SLC44A5: variants seen among roughly 807,000 people sequenced by gnomAD.
The protein encoded by SLC44A5 is solute carrier family 44 member 5.
SLC44A5 carries 57 observed loss-of-function variants against 101.8 expected under a neutral mutation model. The ratio of observed to expected loss-of-function variants is 0.56; its 90% CI spans 0.45 to 0.70. The LOEUF (loss-of-function observed/expected upper bound fraction) is 0.70. Among genes scored for constraint, SLC44A5 ranks in the 30% least tolerant of loss-of-function variants. The pLI is 0.00. For missense variants in SLC44A5, 737 were observed against 853.1 expected (o/e 0.86, Z 1.70); for synonymous variants, 281 against 290.9 (o/e 0.97, Z 0.35).
the SLC44A5 span, among the ~76,000 whole-genome samples, chr1:75,651,777 T>C: frequency 6.6e-6 from 1 of 151,606 alleles, no homozygotes; most frequent in Non-Finnish European, 1.5e-5. Context: ...TATTTGATTA[T>C]CTGCTTCCCT....
chr1:75,234,426 T>C (rs188282919), intron 11 of SLC44A5, among the ~76,000 whole-genome samples: 1 of 152,182 alleles, frequency 6.6e-6, no homozygotes, highest in East Asian at 1.9e-4. Flanking sequence ...CATGTCTTAT[T>C]TTTTCCCTTC....
the SLC44A5 span, among the ~76,000 whole-genome samples, chr1:75,668,393 G>A: frequency 1.6e-5 from 2 of 124,502 alleles, no homozygotes; most frequent in Non-Finnish European, 3.2e-5. Context: ...GCATAATCAC[G>A]GCTCACATGC....
chr1:75,624,023 G>A, the SLC44A5 span, among the ~76,000 whole-genome samples: 1 of 152,250 alleles, frequency 6.6e-6, no homozygotes, highest in Non-Finnish European at 1.5e-5. Context: ...GTCTGCAGCA[G>A]GGAAAGTACC....
chr1:75,697,985 A>G, the SLC44A5 span, among the ~76,000 whole-genome samples: 4 of 152,202 alleles, frequency 2.6e-5, no homozygotes, highest in Admixed American at 2.6e-4. Context: ...TATCCTGCAC[A>G]TGGCTTGGAG....
chr1:75,386,709 C>T (rs1353587706), intron 3 of SLC44A5, among the ~76,000 whole-genome samples: 3 of 151,874 alleles, frequency 2.0e-5, no homozygotes, highest in African/African-American at 7.3e-5. Flanking sequence ...GAAAAAACTA[C>T]TTTAAAGTTC....
intron 1 of SLC44A5, among the ~76,000 whole-genome samples, chr1:75,598,087 T>A (rs6694601): frequency 6.6e-6 from 1 of 150,912 alleles, no homozygotes; most frequent in Non-Finnish European, 1.5e-5. Context: ...CTTAAACAAA[T>A]GTACAAGAAA....
chr1:75,577,368 C>T (rs1344160525), intron 1 of SLC44A5, among the ~76,000 whole-genome samples: 2 of 152,254 alleles, frequency 1.3e-5, no homozygotes, highest in Non-Finnish European at 2.9e-5. Context: ...TTTCTGACCT[C>T]ATCTCTGGTT....
At chr1:75,633,236 G>C in the SLC44A5 span, among the ~76,000 whole-genome samples, 1 of 152,140 alleles carries the variant, frequency 6.6e-6, no homozygotes, top group Non-Finnish European at 1.5e-5. Context: ...CTTTAAAGTA[G>C]TTTTTTCCAA....
chr1:75,320,043 A>G (rs1037289979), intron 4 of SLC44A5, among the ~76,000 whole-genome samples: 3 of 152,134 alleles, frequency 2.0e-5, no homozygotes, highest in Non-Finnish European at 4.4e-5. Flanking sequence ...TTCCTAGCCT[A>G]AAGAAGAGAT....
chr1:75,300,014 C>CAA (rs35608663), intron 5 of SLC44A5, among the ~76,000 whole-genome samples: 61 of 93,714 alleles, frequency 6.5e-4, no homozygotes, highest in African/African-American at 2.2e-3. Flanking sequence ...GACTCTGTCT[C>CAA]AAAAAAAAAA....
intron 2 of SLC44A5, among the ~76,000 whole-genome samples, chr1:75,413,642 C>A (rs1663426367): frequency 1.3e-5 from 2 of 152,122 alleles, no homozygotes; most frequent in Non-Finnish European, 2.9e-5. Context: ...TCAGGTTGTA[C>A]AACTTCCTTT....
intron 2 of SLC44A5, among the ~76,000 whole-genome samples, chr1:75,448,061 AT>A: frequency 6.6e-6 from 1 of 152,354 alleles, no homozygotes; most frequent in East Asian, 1.9e-4. Context: ...AAGATTATGA[AT>A]GTTTTCCATC....
intron 12 of SLC44A5, among the ~76,000 whole-genome samples, chr1:75,231,444 T>G (rs554381842): frequency 1.3e-5 from 2 of 152,328 alleles, no homozygotes; most frequent in African/African-American, 4.8e-5. Context: ...TTTACTTTCC[T>G]CCTACTAGTG....
At position 75,212,775 on chromosome 1, in the gene SLC44A5, G is replaced by A. The variant is rs181900862; in HGVS notation, c.1962+930C>T. 1.3e-3 allele frequency among the ~76,000 whole-genome samples: 194 copies of A among 152,158 alleles called. 1 individual carries two copies. The highest frequency in any genetic ancestry group is 1.6e-3 in the Non-Finnish European group (110 of 68,012). On this transcript the variant is annotated intron_variant, in intron 22 of 23. Transcript: ENST00000370859. ...TTTCTGTGTCTCCTAGATAAAACTG[G>A]CAGTGGGGGAGAGGCAAATGTGAGT...
intron 4 of SLC44A5, among the ~76,000 whole-genome samples, chr1:75,303,537 G>A (rs1234294463): frequency 6.6e-6 from 1 of 152,104 alleles, no homozygotes; most frequent in Admixed American, 6.5e-5. Context: ...CCCGGCGGAA[G>A]TTTTTTAAAA....
chr1:75,708,804 C>T, the SLC44A5 span, among the ~76,000 whole-genome samples: 1 of 152,080 alleles, frequency 6.6e-6, no homozygotes, highest in South Asian at 2.1e-4. Context: ...ATTCTATGCA[C>T]TAAATTATAC....
chr1:75,417,306 T>C (rs1173969692), intron 2 of SLC44A5, among the ~76,000 whole-genome samples: 1 of 152,212 alleles, frequency 6.6e-6, no homozygotes, highest in Non-Finnish European at 1.5e-5. Context: ...CCATGTAAGA[T>C]GTGACTTGGT....
At chr1:75,560,031 C>T (rs1045401152) in intron 1 of SLC44A5, among the ~76,000 whole-genome samples, 2 of 152,040 alleles carry the variant, frequency 1.3e-5, no homozygotes, top group African/African-American at 2.4e-5. Context: ...AAGATTTAGG[C>T]AGTAACAACT....
intron 2 of SLC44A5, among the ~76,000 whole-genome samples, chr1:75,500,678 G>T (rs936381718): frequency 2.0e-5 from 3 of 152,258 alleles, no homozygotes; most frequent in Admixed American, 6.5e-5. Context: ...ACACTCTGAG[G>T]TTCCTTTGTA....
Sources: gnomAD v4.1 joint callset for allele counts (sites outside exome capture counted in the v4.1 genomes callset) on GRCh38, gnomAD v4.1.1 for gene constraint, MANE v1.5 for transcripts, NCBI Gene and HGNC (gene_info 2026-07-23, HGNC 2026-07-21) for gene names.